The following ELMO1 variants were observed in gnomAD, a reference collection of about 807,000 sequenced individuals.
ELMO1 encodes the protein engulfment and cell motility 1.
Under a neutral mutation model 98.9 loss-of-function variants are expected in ELMO1, and 26 were observed. The ratio of observed to expected loss-of-function variants is 0.26; its 90% CI spans 0.19 to 0.36. The LOEUF (loss-of-function observed/expected upper bound fraction) is 0.36, where lower values mean the gene tolerates loss of function less well. Ranked by LOEUF, ELMO1 falls within the 10% of genes least tolerant of loss-of-function variation. The pLI, the probability that ELMO1 is intolerant of heterozygous loss-of-function variation, is 1.00. For synonymous variants in ELMO1, 346 were observed against 346.0 expected, an observed-to-expected ratio of 1.00 and a Z score of 0.00; for missense variants, 627 against 935.2, an observed-to-expected ratio of 0.67 and a Z score of 4.30.
At chr7:36,949,440 A>T (rs1406074669) in intron 16 of ELMO1, among the ~76,000 whole-genome samples, 1 of 151,306 alleles carries the variant, frequency 6.6e-6, no homozygotes, top group Admixed American at 6.6e-5. Context: ...CCAGCTGAAG[A>T]GCCCCCTTCT....
chr7:37,106,723 C>T (rs1784965741), intron 14 of ELMO1, among the ~76,000 whole-genome samples: 1 of 152,046 alleles, frequency 6.6e-6, no homozygotes, highest in Non-Finnish European at 1.5e-5. Flanking sequence ...GTACAAAGTC[C>T]TGTGGTATCA....
At chr7:37,192,839 T>C (rs976119789) in intron 13 of ELMO1, among the ~76,000 whole-genome samples, 1 of 146,470 alleles carries the variant, frequency 6.8e-6, no homozygotes, top group African/African-American at 2.5e-5. Flanking sequence ...TATATGTATA[T>C]ATGACATATA....
At chr7:37,333,944 T>A (rs1186465369) in intron 2 of ELMO1, among the ~76,000 whole-genome samples, 1 of 152,172 alleles carries the variant, frequency 6.6e-6, no homozygotes, top group African/African-American at 2.4e-5. Context: ...TGAGGCACTA[T>A]CTTTAAAGGA....
chr7:37,155,651 C>T (rs192609172), intron 13 of ELMO1, among the ~76,000 whole-genome samples: 1 of 152,088 alleles, frequency 6.6e-6, no homozygotes, highest in Admixed American at 6.6e-5. Flanking sequence ...GCACCCAATA[C>T]AGGAGCATCC....
At position 36,853,507 on chromosome 7, in the gene ELMO1, A is replaced by G. The variant is rs1193523453; in HGVS notation, c.*2044T>C. Among the ~76,000 whole-genome samples the G allele has an allele frequency of 6.6e-6, 1 of 152,200 alleles. No homozygotes were observed. The highest frequency in any genetic ancestry group is 1.5e-5 in the Non-Finnish European group (1 of 68,034). Reference sequence around the variant, plus strand: ...TATCATGATGATGGGTAGATTAATAACTGCTCCTGATAGCAAGTACATGTT... The same window carrying G: ...TATCATGATGATGGGTAGATTAATAGCTGCTCCTGATAGCAAGTACATGTT... On this transcript the variant is annotated 3_prime_UTR_variant, in exon 22 of 22. Coordinates refer to ENST00000310758, the MANE Select transcript of ELMO1 (RefSeq NM_014800.11).
Position 37,096,723 on chromosome 7 carries a change from A to G in ELMO1, c.1196T>C (p.Val399Ala). 6.2e-7 allele frequency: 1 copy of G among 1,613,842 alleles called. No homozygotes were observed. Among genetic ancestry groups the G allele is most frequent in the Non-Finnish European group, 8.5e-7 (1 of 1,179,742 alleles). ...KHHQDAYIRIVLENSSREDKH... is the reference protein window; with the variant it reads ...KHHQDAYIRIALENSSREDKH... Reference sequence around the variant, plus strand: ...GTCTTCTCGACTACTGTTCTCAAGCACAATCTGTAATGGGAAAGGGAACAG... The same window carrying G: ...GTCTTCTCGACTACTGTTCTCAAGCGCAATCTGTAATGGGAAAGGGAACAG... Residue 399 changes from valine (V) to alanine (A), a missense_variant, in exon 15 of 22, where the codon GTG (valine) becomes GCG (alanine). This residue lies in a region of ELMO1 where 492 missense variants were observed against 715.6 expected (regional missense o/e 0.69). Coordinates refer to ENST00000310758, the MANE Select transcript of ELMO1 (RefSeq NM_014800.11).
At chr7:37,365,685 G>C (rs1801876150) in intron 1 of ELMO1, among the ~76,000 whole-genome samples, 1 of 152,190 alleles carries the variant, frequency 6.6e-6, no homozygotes, top group South Asian at 2.1e-4. Flanking sequence ...ACTAACCAAT[G>C]CATTAATCAA....
At chr7:37,251,363 T>A (rs1795339519) in intron 6 of ELMO1, among the ~76,000 whole-genome samples, 1 of 152,188 alleles carries the variant, frequency 6.6e-6, no homozygotes, top group East Asian at 1.9e-4. Flanking sequence ...CAAAACTCCA[T>A]TAAGGATAGA....
Position 36,985,876 on chromosome 7 carries a change from G to A in ELMO1, c.1437+27423C>T, listed in dbSNP as rs75862179. The stretch of plus-strand genomic sequence containing the variant: ...ATAGGACAAAGCTACATTTAGCTCA[G>A]GCTGATAATACCGGTGGACACATGT... On this transcript the variant is annotated intron_variant, in intron 16 of 21. Coordinates refer to ENST00000310758, the MANE Select transcript of ELMO1 (RefSeq NM_014800.11). The A allele has an allele frequency of 1.2e-3, 1,155 of 994,042 alleles. 14 individuals are homozygous for A. In the African/African-American group the frequency reaches 0.018, roughly 15 times the overall value. 61.6% of individuals were successfully genotyped at this position (994,042 alleles called of 1,614,324 possible).
At chr7:37,190,682 T>C (rs970361486) in intron 13 of ELMO1, among the ~76,000 whole-genome samples, 7 of 151,978 alleles carry the variant, frequency 4.6e-5, no homozygotes, top group Non-Finnish European at 1.0e-4. Context: ...GTATTTTTAG[T>C]AGAGATGAAG....
chr7:37,253,841 C>T (rs1795493421), intron 6 of ELMO1, among the ~76,000 whole-genome samples: 2 of 151,890 alleles, frequency 1.3e-5, no homozygotes, highest in Non-Finnish European at 2.9e-5. Context: ...TCAATGTTTA[C>T]GAAAATTTCC....
chr7:37,440,823 C>T (rs1805386681), intron 1 of ELMO1, among the ~76,000 whole-genome samples: 1 of 150,594 alleles, frequency 6.6e-6, no homozygotes, highest in Non-Finnish European at 1.5e-5. Flanking sequence ...GAGGGGTGGA[C>T]GGGAGTCAAA....
chr7:37,382,779 C>T (rs1802632512), intron 1 of ELMO1, among the ~76,000 whole-genome samples: 1 of 151,858 alleles, frequency 6.6e-6, no homozygotes, highest in Non-Finnish European at 1.5e-5. Flanking sequence ...ACTAGATAAG[C>T]CCAAGTTCTA....
Position 37,222,688 on chromosome 7 carries a change from T to C in ELMO1, c.707A>G (p.Asp236Gly). Residue 236 changes from aspartate (D) to glycine (G), a missense_variant, in exon 10 of 22, where the codon GAT becomes GGT. This residue lies in a region of ELMO1 where 492 missense variants were observed against 715.6 expected (regional missense o/e 0.69). Transcript: ENST00000310758. ...AATAGTATAGGTTTGGATTTCTTGA[T>C]CTGACCTGTAAAGATAGAGAACAAT... ...GQLIPHLQGS[D>G]QEIQTYTIAV... is the part of the protein sequence containing the mutation. 1 of 1,613,822 alleles carries C rather than the reference T, an allele frequency of 6.2e-7. No individual in the cohort carries two copies. Among genetic ancestry groups the C allele is most frequent in the South Asian group, 1.1e-5 (1 of 91,030 alleles).
In ELMO1 at chr7:37,311,413, T is replaced by C. The variant is rs527513653; in HGVS notation, c.192+3437A>G. ...AGACAGTCTCATATATAAGGGAAAA[T>C]CAGTAACTAACAGCATGCACAAGTT... On this transcript the variant is annotated intron_variant, in intron 4 of 21. Coordinates refer to ENST00000310758, the MANE Select transcript of ELMO1 (RefSeq NM_014800.11). Among the ~76,000 whole-genome samples the C allele has an allele frequency of 9.0e-4, 137 of 151,698 alleles. 2 individuals are homozygous for C. In the South Asian group the frequency reaches 0.027, roughly 30 times the overall value.
intron 14 of ELMO1, among the ~76,000 whole-genome samples, chr7:37,127,064 C>T (rs969256194): frequency 6.6e-6 from 1 of 152,136 alleles, no homozygotes. Context: ...CACTGTAATG[C>T]CAAGAGGGGT....
At chr7:36,942,776 AT>A (rs1238450256) in intron 16 of ELMO1, among the ~76,000 whole-genome samples, 2 of 152,112 alleles carry the variant, frequency 1.3e-5, no homozygotes, top group African/African-American at 2.4e-5. Flanking sequence ...TAGCCAGGAA[AT>A]TTTTTAGGCT....
chr7:37,386,783 C>A (rs1802822068), intron 1 of ELMO1, among the ~76,000 whole-genome samples: 2 of 152,224 alleles, frequency 1.3e-5, no homozygotes, highest in Admixed American at 1.3e-4. Flanking sequence ...ATCCTCCCAT[C>A]CCCTGCCGAA....
chr7:37,218,042 C>T (rs1793395387), intron 10 of ELMO1, among the ~76,000 whole-genome samples: 1 of 152,150 alleles, frequency 6.6e-6, no homozygotes, highest in Non-Finnish European at 1.5e-5. Context: ...TTCCACGAGG[C>T]ATAGAAAGCA....
Sources: gnomAD v4.1 joint callset for allele counts (sites outside exome capture counted in the v4.1 genomes callset) on GRCh38, gnomAD v4.1.1 for gene constraint, gnomAD v4.1.1 regional missense constraint, MANE v1.5 for transcripts, NCBI Gene and HGNC (gene_info 2026-07-23, HGNC 2026-07-21) for gene names.